The following SEMA6D variants were observed in gnomAD, a reference collection of about 807,000 sequenced individuals.
SEMA6D encodes semaphorin-6D.
In SEMA6D, 35 loss-of-function variants were observed where a neutral mutation model predicts 106.6. The ratio of observed to expected loss-of-function variants is 0.33; its 90% CI spans 0.25 to 0.44. The LOEUF is 0.44. Ranked by LOEUF, SEMA6D falls within the 20% of genes least tolerant of loss-of-function variation. The probability of loss-of-function intolerance (pLI) is 1.00; values close to 1 mark genes in which losing one functional copy is unlikely to be tolerated. For missense variants in SEMA6D, 1,185 were observed against 1,345.9 expected (o/e 0.88, Z 1.87); for synonymous variants, 499 against 487.7 (o/e 1.02, Z -0.31).
intron 1 of SEMA6D, among the ~76,000 whole-genome samples, chr15:47,313,954 G>A (rs1324095171): frequency 6.6e-6 from 1 of 152,206 alleles, no homozygotes; most frequent in African/African-American, 2.4e-5. Flanking sequence ...TGGGTAAATA[G>A]CAAGAAATGT....
Position 47,345,715 on chromosome 15 carries a change from T to C in SEMA6D, c.-238-66678T>C, listed in dbSNP as rs1386309893. Among the ~76,000 whole-genome samples the C allele has an allele frequency of 4.6e-5, 7 of 152,204 alleles. No homozygotes were observed. In the East Asian group the frequency reaches 1.4e-3, roughly 29 times the overall value. On this transcript the variant is annotated intron_variant, in intron 1 of 19. Transcript: ENST00000558014. ...GAACTAATTGATAAAATAATAAAGC[T>C]GAGTTAAAGAAGCCACAGCAAAAAG...
chr15:47,552,792 T>TTATA (rs377105227), intron 3 of SEMA6D, among the ~76,000 whole-genome samples: 4 of 62,130 alleles, frequency 6.4e-5, no homozygotes, highest in African/African-American at 2.2e-4. Flanking sequence ...ATATATATTT[T>TTATA]TATATATATA....
At chr15:47,322,465 T>G (rs1454342750) in intron 1 of SEMA6D, among the ~76,000 whole-genome samples, 1 of 152,104 alleles carries the variant, frequency 6.6e-6, no homozygotes, top group East Asian at 1.9e-4. Flanking sequence ...CAATTTAGGT[T>G]TTTCAGGTAC....
intron 1 of SEMA6D, among the ~76,000 whole-genome samples, chr15:47,349,776 A>G (rs1478541317): frequency 6.6e-6 from 1 of 152,192 alleles, no homozygotes; most frequent in Non-Finnish European, 1.5e-5. Context: ...TTTGGTCTCA[A>G]TGCTAATGTG....
chr15:47,207,392 G>T (rs1895143588), intron 1 of SEMA6D, among the ~76,000 whole-genome samples: 1 of 152,150 alleles, frequency 6.6e-6, no homozygotes, highest in Admixed American at 6.5e-5. Flanking sequence ...AAAAAATCAT[G>T]AGGGCAGTAG....
At chr15:47,317,697 G>A (rs140385065) in intron 1 of SEMA6D, among the ~76,000 whole-genome samples, 5 of 152,052 alleles carry the variant, frequency 3.3e-5, no homozygotes, top group African/African-American at 7.2e-5. Context: ...CGTATTGCTC[G>A]CATGGTTTCT....
At chr15:47,586,209 G>A (rs1161365718) in intron 3 of SEMA6D, among the ~76,000 whole-genome samples, 1 of 152,190 alleles carries the variant, frequency 6.6e-6, no homozygotes, top group Non-Finnish European at 1.5e-5. Context: ...TGGCCTCTTA[G>A]ATGTATTTTC....
intron 4 of SEMA6D, among the ~76,000 whole-genome samples, chr15:47,668,909 A>G (rs1596580378): frequency 6.6e-6 from 1 of 152,176 alleles, no homozygotes; most frequent in Non-Finnish European, 1.5e-5. Context: ...CCGCAGTGCA[A>G]TTCTGACGTT....
chr15:47,770,993 G>C lies in SEMA6D; in HGVS notation c.2430G>C (p.Pro810=), dbSNP rs144939945. 1 of 1,613,912 alleles carries C rather than the reference G, an allele frequency of 6.2e-7. No homozygotes were observed. Among genetic ancestry groups the C allele is most frequent in the African/African-American group, 1.3e-5 (1 of 74,898 alleles). Residue 810 remains proline, a synonymous_variant, in exon 19 of 19, where the codon CCG becomes CCC. Coordinates refer to ENST00000536845, the MANE Select transcript of SEMA6D (RefSeq NM_001358351.3). ...ASRKETPQFF[P]SSPPPHSPLS... ...GGAAAGAAACCCCTCAGTTTTTTCCGTCTAGTCCGCCACCTCATTCCCCAT... is the reference window on the plus strand; with the variant it reads ...GGAAAGAAACCCCTCAGTTTTTTCCCTCTAGTCCGCCACCTCATTCCCCAT...
At chr15:47,602,103 A>T (rs1313930160) in intron 4 of SEMA6D, among the ~76,000 whole-genome samples, 1 of 152,224 alleles carries the variant, frequency 6.6e-6, no homozygotes, top group Non-Finnish European at 1.5e-5. Context: ...TCTATGAAAC[A>T]GAAACATATT....
intron 1 of SEMA6D, among the ~76,000 whole-genome samples, chr15:47,283,123 T>C (rs542611408): frequency 6.6e-6 from 1 of 152,158 alleles, no homozygotes; most frequent in South Asian, 2.1e-4. Flanking sequence ...CTTTCTGTCA[T>C]TTGAGACACA....
upstream of SEMA6D, chr15:47,717,344 G>C (rs936498162): frequency 6.6e-6 from 1 of 151,938 alleles, no homozygotes; most frequent in African/African-American, 2.4e-5. Context: ...GAGCGCGCCC[G>C]GCCGGCCGCG....
At chr15:47,487,215 A>T (rs112957997) in intron 3 of SEMA6D, among the ~76,000 whole-genome samples, 1 of 152,188 alleles carries the variant, frequency 6.6e-6, no homozygotes, top group East Asian at 1.9e-4. Flanking sequence ...TGTGCAAGAG[A>T]TGTGTACTGT....
intron 1 of SEMA6D, among the ~76,000 whole-genome samples, chr15:47,300,494 A>G (rs1249644680): frequency 1.3e-5 from 2 of 152,020 alleles, no homozygotes; most frequent in African/African-American, 4.8e-5. Context: ...CGTGAATAAA[A>G]CGTGTCCCTG....
At chr15:47,683,270 C>T (rs1001947732) in intron 4 of SEMA6D, among the ~76,000 whole-genome samples, 1 of 152,130 alleles carries the variant, frequency 6.6e-6, no homozygotes, top group Non-Finnish European at 1.5e-5. Flanking sequence ...TCCATGTGTA[C>T]CCATTGCTTA....
intron 1 of SEMA6D, among the ~76,000 whole-genome samples, chr15:47,378,663 G>T (rs559913767): frequency 6.6e-5 from 10 of 152,252 alleles, no homozygotes; most frequent in African/African-American, 2.4e-4. Context: ...CAAACCCTAA[G>T]GTGCTATGGT....
chr15:47,705,485 G>T (rs1307371617), intron 4 of SEMA6D, among the ~76,000 whole-genome samples: 1 of 152,176 alleles, frequency 6.6e-6, no homozygotes, highest in African/African-American at 2.4e-5. Flanking sequence ...ATCAAAACTT[G>T]TGCCCTTTGT....
intron 3 of SEMA6D, among the ~76,000 whole-genome samples, chr15:47,566,928 G>A (rs2046247474): frequency 6.6e-6 from 1 of 152,174 alleles, no homozygotes; most frequent in Non-Finnish European, 1.5e-5. Context: ...GGGTGTTACA[G>A]AGAAAAGAAA....
Position 47,380,266 on chromosome 15 carries a change from T to G in SEMA6D, c.-238-32127T>G, listed in dbSNP as rs143884616. ...TTTTCAACATAATGCCAGAATGTTT[T>G]CTTTGAGTTCGAGTCTCTCTTCTTT... On this transcript the variant is annotated intron_variant, in intron 1 of 19. Coordinates refer to the SEMA6D transcript ENST00000558014. Among the ~76,000 whole-genome samples, 73 of 152,330 alleles carry G rather than the reference T, an allele frequency of 4.8e-4. No homozygotes were observed. In the East Asian group the frequency reaches 0.013, roughly 26 times the overall value.
Sources: allele counts gnomAD v4.1 joint callset (sites outside exome capture counted in the v4.1 genomes callset), GRCh38; gene constraint gnomAD v4.1.1; transcripts MANE v1.5; gene names NCBI Gene and HGNC (gene_info 2026-07-23, HGNC 2026-07-21).